Variants in SNX14 observed in about 807,000 individuals in gnomAD.
The protein encoded by SNX14 is sorting nexin-14.
Under a neutral mutation model 133.8 loss-of-function variants are expected in SNX14, and 93 were observed. That is an observed-to-expected ratio of 0.70 (90% confidence interval 0.59 to 0.83). The LOEUF is 0.83. Among genes scored for constraint, SNX14 ranks in the 40% least tolerant of loss-of-function variants. SNX14 has a pLI of 0.00. For missense variants in SNX14, 945 were observed against 1,094.9 expected, an observed-to-expected ratio of 0.86 and a Z score of 1.93; for synonymous variants, 368 against 365.6, an observed-to-expected ratio of 1.01 and a Z score of -0.07.
At position 85,505,839 on chromosome 6, in the gene SNX14, C is replaced by CA; in HGVS notation, c.*127dup. 6 of 658,504 alleles carry CA rather than the reference C, an allele frequency of 9.1e-6. No individual in the cohort carries two copies. The highest frequency in any genetic ancestry group is 5.7e-5 in the East Asian group (2 of 34,796). The allele number at this position is 658,504 out of a possible 1,614,324, so 40.8% of individuals were successfully genotyped here. A position where few individuals can be genotyped will look rare whatever the true frequency, so the allele number is the denominator to read the frequency against. ...AGTTTGTGTTAGTCTTTATTAAAAA[C>CA]AAAAAATAACTAAAATTTCAGACAG... On this transcript the variant is annotated 3_prime_UTR_variant, in exon 29 of 29. Coordinates refer to ENST00000314673, the MANE Select transcript of SNX14 (RefSeq NM_153816.6).
At chr6:85,551,109 A>G (rs1787679724) in intron 7 of SNX14, among the ~76,000 whole-genome samples, 2 of 152,140 alleles carry the variant, frequency 1.3e-5, no homozygotes, top group Non-Finnish European at 2.9e-5. Flanking sequence ...ATCTGCTTTC[A>G]CATCCAAGTA....
At chr6:85,592,969 G>A (rs1229348385) in intron 1 of SNX14, among the ~76,000 whole-genome samples, 1 of 152,162 alleles carries the variant, frequency 6.6e-6, no homozygotes, top group African/African-American at 2.4e-5. Flanking sequence ...AGCCGAGACC[G>A]CACCACTGCA....
chr6:85,543,031 G>A (rs1297128754), intron 14 of SNX14, 151 bp downstream of exon 14: 1 of 717,444 alleles, frequency 1.4e-6, no homozygotes, highest in Non-Finnish European at 2.0e-6. Context: ...GCCTTCCAAA[G>A]TGCTGGGATT....
At position 85,514,124 on chromosome 6, in the gene SNX14, G is replaced by C. The variant is rs1773945455; in HGVS notation, c.2503C>G (p.Leu835Val). Reference sequence around the variant, plus strand: ...CGGTGCTCCTGAAATAGCTGTTCTAGTTTACACTGAAGATAGTAATCAGTA... The same window carrying C: ...CGGTGCTCCTGAAATAGCTGTTCTACTTTACACTGAAGATAGTAATCAGTA... ...MYTDYYLQCK[L>V]EQLFQEHRLV... is the part of the protein sequence containing the mutation. The change falls in exon 25 of 29, where the codon CTA (leucine) becomes GTA (valine). Residue 835 changes from leucine (L) to valine (V), a missense_variant. Leu to Val is a conservative substitution (Grantham distance 32). Coordinates refer to ENST00000314673, the MANE Select transcript of SNX14 (RefSeq NM_153816.6). The C allele has an allele frequency of 6.2e-7, 1 of 1,613,806 alleles. No homozygotes were observed. The highest frequency in any genetic ancestry group is 1.1e-5 in the South Asian group (1 of 91,076).
intron 23 of SNX14, among the ~76,000 whole-genome samples, chr6:85,514,938 T>C (rs1774278716): frequency 2.0e-5 from 3 of 152,078 alleles, no homozygotes; most frequent in South Asian, 4.1e-4. Flanking sequence ...TAAAAAGATG[T>C]ACAAATATAT....
Position 85,542,056 on chromosome 6 carries a change from A to C in SNX14, c.1390-13T>G. The C allele has an allele frequency of 6.6e-7, 1 of 1,517,436 alleles. No homozygotes were observed. The highest frequency in any genetic ancestry group is 1.9e-5 in the Admixed American group (1 of 52,416). The allele number at this position is 1,517,436 out of a possible 1,614,324, so 94.0% of individuals were successfully genotyped here. A position where few individuals can be genotyped will look rare whatever the true frequency, so the allele number is the denominator to read the frequency against. ...GTTGTCTGAAATACTTTAAAATAAC[A>C]AATAATAATTATCATTTATTACACT... is the stretch of plus-strand genomic sequence containing the variant. On this transcript the variant is annotated splice_polypyrimidine_tract_variant and intron_variant, in intron 14 of 28. Coordinates refer to ENST00000314673, the MANE Select transcript of SNX14 (RefSeq NM_153816.6).
At chr6:85,586,014 T>G (rs1360115715) in intron 1 of SNX14, among the ~76,000 whole-genome samples, 1 of 142,530 alleles carries the variant, frequency 7.0e-6, no homozygotes, top group Non-Finnish European at 1.5e-5. Flanking sequence ...AAAAACTAAA[T>G]CTAATTGAGC....
chr6:85,548,841 C>A (rs1786724125), intron 8 of SNX14, among the ~76,000 whole-genome samples: 1 of 151,748 alleles, frequency 6.6e-6, no homozygotes, highest in Non-Finnish European at 1.5e-5. Flanking sequence ...ATGGTGCATG[C>A]CTGTAATCCC....
At chr6:85,525,253 T>C (rs1012441616) in intron 21 of SNX14, among the ~76,000 whole-genome samples, 3 of 152,144 alleles carry the variant, frequency 2.0e-5, no homozygotes, top group African/African-American at 4.8e-5. Flanking sequence ...TTTTAAAAAA[T>C]AGACCAAATA....
At chr6:85,514,043 GAAAC>G (rs1284739398) in intron 25 of SNX14, 23 bp downstream of exon 25, 1 of 1,588,250 alleles carries the variant, frequency 6.3e-7, no homozygotes, top group Non-Finnish European at 8.5e-7. Context: ...CACAAAATAT[GAAAC>G]AAACACATTA....
rs550544152 is a variant in SNX14 at position 85,544,578 on chromosome 6, C to G, written c.1109-818G>C. Among the ~76,000 whole-genome samples, 435 of 152,106 alleles carry G rather than the reference C, an allele frequency of 2.9e-3. 2 individuals carry two copies. The highest frequency in any genetic ancestry group is 9.7e-3 in the African/African-American group (402 of 41,486). ...CTTTGGGAGGCTGAGGCAGGAGGAT[C>G]GCTTGAGCCCAGGAGTTCAAGACCA... On this transcript the variant is annotated intron_variant, in intron 12 of 28. Coordinates refer to ENST00000314673, the MANE Select transcript of SNX14 (RefSeq NM_153816.6).
At chr6:85,530,171 T>C in intron 19 of SNX14, 21 bp downstream of exon 19, 11 of 1,447,272 alleles carry the variant, frequency 7.6e-6, no homozygotes, top group Non-Finnish European at 1.1e-5. Context: ...TGTAATGTTT[T>C]ATCCAAAAAG....
chr6:85,509,371 A>C (rs1330240877), intron 26 of SNX14, among the ~76,000 whole-genome samples: 2 of 152,220 alleles, frequency 1.3e-5, no homozygotes, highest in Non-Finnish European at 2.9e-5. Flanking sequence ...CCTACAGAAA[A>C]TTTACTCAAA....
intron 23 of SNX14, among the ~76,000 whole-genome samples, chr6:85,515,189 C>T (rs1040853007): frequency 2.0e-5 from 3 of 147,244 alleles, no homozygotes; most frequent in African/African-American, 7.6e-5. Context: ...ATAGTTTGAA[C>T]CTGGGAGCCA....
Position 85,513,745 on chromosome 6 carries a change from G to A in SNX14, c.2653+55C>T. On this transcript the variant is annotated intron_variant, in intron 26 of 28. Transcript: ENST00000314673. The stretch of plus-strand genomic sequence containing the variant: ...AGCTTCAATAATTACTATACATTGT[G>A]ACCTCAACGGACTGCTAATCTATAT... 3.9e-6 allele frequency: 5 copies of A among 1,287,234 alleles called. No individual in the cohort carries two copies. The South Asian group carries it at 5.1e-5, about 13-fold the overall frequency. The allele number at this position is 1,287,234 out of a possible 1,614,324, so 79.7% of individuals were successfully genotyped here.
chr6:85,558,111 A>G, intron 6 of SNX14, 51 bp from the exon 7 acceptor site: 1 of 890,882 alleles, frequency 1.1e-6, no homozygotes, highest in Non-Finnish European at 1.8e-6. Flanking sequence ...CTAAGTTACA[A>G]TGGCAGGTAC....
rs73481370 is a variant in SNX14, at chr6:85,543,023, C to T, written c.1389+159G>A. 0.011 allele frequency among the ~76,000 whole-genome samples: 1,638 copies of T among 152,334 alleles called. 32 individuals carry two copies. The highest frequency in any genetic ancestry group is 0.037 in the African/African-American group (1,551 of 41,576). ...ACTCAATTGATTCAGCCATCTCAGC[C>T]TTCCAAAGTGCTGGGATTATAGGCG... On this transcript the variant is annotated intron_variant, in intron 14 of 28. Transcript: ENST00000314673.
At chr6:85,540,185 C>T (rs1166826326) in intron 15 of SNX14, among the ~76,000 whole-genome samples, 1 of 152,262 alleles carries the variant, frequency 6.6e-6, no homozygotes, top group South Asian at 2.1e-4. Context: ...TGGTGTTGAA[C>T]TCCTGACCTG....
chr6:85,516,650 TTTTTG>T, intron 23 of SNX14, among the ~76,000 whole-genome samples: 1 of 148,822 alleles, frequency 6.7e-6, no homozygotes, highest in African/African-American at 2.5e-5. Context: ...TTTTTTTTTT[TTTTTG>T]GAGACAGAGT....
Sources: allele counts gnomAD v4.1 joint callset (sites outside exome capture counted in the v4.1 genomes callset), GRCh38; gene constraint gnomAD v4.1.1; transcripts MANE v1.5; gene names NCBI Gene and HGNC (gene_info 2026-07-23, HGNC 2026-07-21).